The following KIAA1217 variants were observed in gnomAD, a reference collection of about 807,000 sequenced individuals.
KIAA1217 encodes the protein KIAA1217, also known as sickle tail protein homolog.
Under a neutral mutation model 163.9 loss-of-function variants are expected in KIAA1217, and 88 were observed. The ratio of observed to expected loss-of-function variants is 0.54; its 90% CI spans 0.45 to 0.64. The LOEUF (loss-of-function observed/expected upper bound fraction) is 0.64. KIAA1217 is among the 30% of genes least tolerant of loss of function. The probability of loss-of-function intolerance (pLI) is 0.00; values close to 1 mark genes in which losing one functional copy is unlikely to be tolerated. For synonymous variants in KIAA1217, 903 were observed against 923.1 expected, an observed-to-expected ratio of 0.98 and a Z score of 0.39; for missense variants, 2,372 against 2,475.0, an observed-to-expected ratio of 0.96 and a Z score of 0.88.
intron 1 of KIAA1217, among the ~76,000 whole-genome samples, chr10:23,856,234 G>A (rs1050126689): frequency 6.6e-6 from 1 of 152,230 alleles, no homozygotes. Context: ...CTAACAGACA[G>A]GACCCTCAGC....
intron 2 of KIAA1217, among the ~76,000 whole-genome samples, chr10:24,073,677 A>C (rs2061268425): frequency 6.6e-6 from 1 of 152,188 alleles, no homozygotes; most frequent in Non-Finnish European, 1.5e-5. Context: ...GGAGAGATGA[A>C]GTCTATTCCA....
In KIAA1217 at chr10:23,798,560, G is replaced by T. The variant is rs570187391; in HGVS notation, c.-321+103326G>T. Reference sequence around the variant, plus strand: ...ACCTCTTGAGTATAGTAGTTTTTTTGTTTGTTTGTTTTGTTTTGCTGTGAA... The same window carrying T: ...ACCTCTTGAGTATAGTAGTTTTTTTTTTTGTTTGTTTTGTTTTGCTGTGAA... On this transcript the variant is annotated intron_variant, in intron 1 of 18. Coordinates refer to the KIAA1217 transcript ENST00000376462. Among the ~76,000 whole-genome samples the T allele has an allele frequency of 3.3e-5, 5 of 152,172 alleles. No homozygotes were observed. The South Asian group carries it at 1.0e-3, about 32-fold the overall frequency.
intron 2 of KIAA1217, among the ~76,000 whole-genome samples, chr10:24,172,215 T>C (rs1225101174): frequency 6.6e-6 from 1 of 152,218 alleles, no homozygotes; most frequent in African/African-American, 2.4e-5. Flanking sequence ...GCTTTTTCTG[T>C]CTTGCCCCAT....
intron 2 of KIAA1217, among the ~76,000 whole-genome samples, chr10:24,052,089 T>C (rs1849557304): frequency 6.6e-6 from 1 of 152,210 alleles, no homozygotes; most frequent in Non-Finnish European, 1.5e-5. Context: ...CTCTGCTACC[T>C]GCACTCCTAT....
chr10:24,244,853 G>A (rs1369783596), intron 2 of KIAA1217, among the ~76,000 whole-genome samples: 1 of 152,048 alleles, frequency 6.6e-6, no homozygotes, highest in Non-Finnish European at 1.5e-5. Context: ...ACATGAGCCA[G>A]TGCTTCCGGC....
At chr10:24,259,638 G>A (rs1267372156) in intron 2 of KIAA1217, among the ~76,000 whole-genome samples, 2 of 152,166 alleles carry the variant, frequency 1.3e-5, no homozygotes, top group Admixed American at 1.3e-4. Context: ...AATACTTGAC[G>A]GTGAAAGCGA....
chr10:23,940,456 G>A lies in KIAA1217; in HGVS notation c.-320-66769G>A, dbSNP rs1335807749. 1.1e-4 allele frequency among the ~76,000 whole-genome samples: 10 copies of A among 87,942 alleles called. No individual in the cohort carries two copies. In the East Asian group the frequency reaches 1.4e-3, roughly 12 times the overall value. 57.7% of individuals were successfully genotyped at this position (87,942 alleles called of 152,430 possible). A position where few individuals can be genotyped will look rare whatever the true frequency, so the allele number is the denominator to read the frequency against. ...GCCTGGGCGACAACAGAGAGACTCC[G>A]TCTCAAAAAAAAAAAAAAAAAAAAA... is the stretch of plus-strand genomic sequence containing the variant. On this transcript the variant is annotated intron_variant, in intron 1 of 18. Transcript: ENST00000376462.
chr10:24,528,030 T>G lies in KIAA1217; in HGVS notation c.2993T>G (p.Ile998Ser), dbSNP rs375496527. Reference protein sequence around the residue: ...EKLLEEAQANIMKSIPNLEMP... With the variant: ...EKLLEEAQANSMKSIPNLEMP... Reference sequence around the variant, plus strand: ...CTCCTAGAAGAAGCTCAGGCCAATATCATGAAGTCAATACCAAATCTGGAG... The same window carrying G: ...CTCCTAGAAGAAGCTCAGGCCAATAGCATGAAGTCAATACCAAATCTGGAG... Residue 998 changes from isoleucine to serine, a missense_variant, in exon 14 of 21, where the codon ATC becomes AGC. Transcript: ENST00000376454. 4 of 1,613,926 alleles carry G rather than the reference T, an allele frequency of 2.5e-6. No individual in the cohort carries two copies. In the African/African-American group the frequency reaches 4.0e-5, roughly 16 times the overall value.
intron 1 of KIAA1217, among the ~76,000 whole-genome samples, chr10:23,933,307 G>A (rs1339514260): frequency 1.3e-5 from 2 of 152,166 alleles, no homozygotes; most frequent in Admixed American, 6.5e-5. Context: ...TTTACCGGAA[G>A]GGTGCGTTAG....
At chr10:23,791,762 G>T (rs1312932732) in intron 1 of KIAA1217, among the ~76,000 whole-genome samples, 1 of 152,136 alleles carries the variant, frequency 6.6e-6, no homozygotes, top group Non-Finnish European at 1.5e-5. Context: ...ATTTTACAAG[G>T]CAACTGCTAG....
At chr10:24,396,036 C>G (rs11594673) in intron 3 of KIAA1217, among the ~76,000 whole-genome samples, 1,783 of 152,230 alleles carry the variant, frequency 0.012, 18 homozygotes, top group Non-Finnish European at 0.015. Flanking sequence ...AGCAATGATT[C>G]TTTTAAGAAA....
chr10:24,199,997 T>A (rs148005133), intron 2 of KIAA1217, among the ~76,000 whole-genome samples: 9 of 152,066 alleles, frequency 5.9e-5, no homozygotes, highest in Non-Finnish European at 1.3e-4. Context: ...AGTAGTGGCA[T>A]CAGGCTGACA....
At chr10:24,534,153 A>G (rs2073585362) in intron 16 of KIAA1217, among the ~76,000 whole-genome samples, 1 of 152,188 alleles carries the variant, frequency 6.6e-6, no homozygotes. Flanking sequence ...AGAATTTTCA[A>G]TCTACATTGT....
chr10:24,329,049 A>G (rs1245313057), intron 2 of KIAA1217, among the ~76,000 whole-genome samples: 1 of 148,386 alleles, frequency 6.7e-6, no homozygotes, highest in Non-Finnish European at 1.5e-5. Context: ...TACATAGTAT[A>G]TAAATAGTAT....
At chr10:24,537,822 C>G (rs1423859619) in intron 17 of KIAA1217, among the ~76,000 whole-genome samples, 1 of 152,132 alleles carries the variant, frequency 6.6e-6, no homozygotes, top group Admixed American at 6.5e-5. Context: ...AGAATCCAGG[C>G]TCTGAAACAA....
At chr10:24,049,311 T>A (rs553207040) in intron 2 of KIAA1217, among the ~76,000 whole-genome samples, 1 of 152,254 alleles carries the variant, frequency 6.6e-6, no homozygotes, top group African/African-American at 2.4e-5. Flanking sequence ...GAAGCATGAA[T>A]CACTGTGGAA....
chr10:24,260,725 A>G (rs1471215086), intron 2 of KIAA1217, among the ~76,000 whole-genome samples: 2 of 152,070 alleles, frequency 1.3e-5, no homozygotes, highest in Non-Finnish European at 2.9e-5. Context: ...AGCCTGGGCA[A>G]CAGAATGAGA....
intron 2 of KIAA1217, among the ~76,000 whole-genome samples, chr10:24,330,559 G>A (rs1032725010): frequency 7.2e-5 from 11 of 152,240 alleles, no homozygotes; most frequent in East Asian, 5.8e-4. Context: ...GAGGTATCAG[G>A]GGTCTTGCTG....
intron 1 of KIAA1217, among the ~76,000 whole-genome samples, chr10:23,982,298 G>T (rs1713828326): frequency 6.6e-6 from 1 of 152,032 alleles, no homozygotes. Flanking sequence ...ATCAGTAGTG[G>T]AATCAGCATT....
Sources: gnomAD v4.1 joint callset for allele counts (sites outside exome capture counted in the v4.1 genomes callset) on GRCh38, gnomAD v4.1.1 for gene constraint, MANE v1.5 for transcripts, NCBI Gene and HGNC (gene_info 2026-07-23, HGNC 2026-07-21) for gene names.